Variants in LRP1B observed in about 807,000 individuals in gnomAD.
LRP1B encodes the protein low-density lipoprotein receptor-related protein 1B.
A neutral mutation model predicts 556.6 loss-of-function variants in LRP1B; 217 were observed. That is an observed-to-expected ratio of 0.39 (90% CI 0.35 to 0.44). The LOEUF (loss-of-function observed/expected upper bound fraction) is 0.44, where lower values mean the gene tolerates loss of function less well. LRP1B is among the 20% of genes least tolerant of loss of function. The pLI is 1.00. For missense variants in LRP1B, 5,053 were observed against 5,620.8 expected, an observed-to-expected ratio of 0.90 and a Z score of 3.23; for synonymous variants, 2,047 against 1,865.8, an observed-to-expected ratio of 1.10 and a Z score of -2.50.
At chr2:141,577,113 A>T (rs1384534307) in intron 2 of LRP1B, among the ~76,000 whole-genome samples, 1 of 152,200 alleles carries the variant, frequency 6.6e-6, no homozygotes, top group Admixed American at 6.5e-5. Context: ...ATCATTGGTG[A>T]CTATTGAAAG....
chr2:140,382,717 G>C (rs761370716), intron 67 of LRP1B, among the ~76,000 whole-genome samples: 8 of 152,184 alleles, frequency 5.3e-5, no homozygotes, highest in Non-Finnish European at 1.0e-4. Flanking sequence ...TCTATCACTG[G>C]ACTATCTCCA....
intron 1 of LRP1B, among the ~76,000 whole-genome samples, chr2:142,057,239 T>C (rs546105269): frequency 6.6e-6 from 1 of 152,244 alleles, no homozygotes; most frequent in East Asian, 1.9e-4. Context: ...TATCTCTAGG[T>C]ATGATATAGA....
intron 18 of LRP1B, among the ~76,000 whole-genome samples, chr2:140,952,683 A>G (rs1695754292): frequency 6.6e-6 from 1 of 152,192 alleles, no homozygotes; most frequent in South Asian, 2.1e-4. Context: ...TAATTAGCCA[A>G]TTTGAATATC....
intron 3 of LRP1B, among the ~76,000 whole-genome samples, chr2:141,390,627 T>C (rs960099678): frequency 6.6e-6 from 1 of 151,428 alleles, no homozygotes; most frequent in Non-Finnish European, 1.5e-5. Flanking sequence ...TGATACATTC[T>C]ACAACATGGA....
intron 2 of LRP1B, among the ~76,000 whole-genome samples, chr2:141,526,971 A>G (rs774729459): frequency 1.3e-5 from 2 of 152,088 alleles, no homozygotes; most frequent in African/African-American, 2.4e-5. Flanking sequence ...AGCATTTCAG[A>G]TTCTGCAGTA....
At chr2:141,762,224 A>G (rs571582419) in intron 2 of LRP1B, among the ~76,000 whole-genome samples, 73 of 152,166 alleles carry the variant, frequency 4.8e-4, no homozygotes, top group Admixed American at 9.2e-4. Flanking sequence ...ATTCCAATAA[A>G]TTGGCCACTG....
intron 3 of LRP1B, among the ~76,000 whole-genome samples, chr2:141,342,712 A>T (rs2683843): frequency 0.6 from 91,610 of 151,864 alleles, 28,510 homozygotes; most frequent in African/African-American, 0.69. Flanking sequence ...TTCAAGAAAT[A>T]TGGGACTATG....
At chr2:140,702,944 T>G in intron 37 of LRP1B, among the ~76,000 whole-genome samples, 1 of 152,236 alleles carries the variant, frequency 6.6e-6, no homozygotes, top group South Asian at 2.1e-4. Context: ...AATGGCAAAT[T>G]TCCACTTGTA....
chr2:141,846,842 G>GA (rs1240868059), intron 1 of LRP1B, among the ~76,000 whole-genome samples: 1 of 151,234 alleles, frequency 6.6e-6, no homozygotes, highest in Non-Finnish European at 1.5e-5. Context: ...TTTCTTACTA[G>GA]AAAAATGTTT....
chr2:141,757,889 A>ATCAGTCAATTT (rs1553460028), intron 2 of LRP1B, among the ~76,000 whole-genome samples: 1 of 151,498 alleles, frequency 6.6e-6, no homozygotes, highest in African/African-American at 2.4e-5. Flanking sequence ...CCCATAGCTT[A>ATCAGTCAATTT]TTAATTCAGC....
intron 1 of LRP1B, among the ~76,000 whole-genome samples, chr2:142,088,847 T>C (rs1280915723): frequency 2.0e-5 from 3 of 151,516 alleles, no homozygotes; most frequent in Admixed American, 1.3e-4. Context: ...TGGTGGTGGG[T>C]GCCTGTAGTC....
chr2:141,817,770 A>G (rs1187137028), intron 1 of LRP1B, among the ~76,000 whole-genome samples: 13 of 152,126 alleles, frequency 8.5e-5, no homozygotes, highest in Non-Finnish European at 1.5e-5. Context: ...CACTTGTTAT[A>G]CTAATGTTGT....
At chr2:141,597,440 C>T (rs554498302) in intron 2 of LRP1B, among the ~76,000 whole-genome samples, 3 of 152,140 alleles carry the variant, frequency 2.0e-5, no homozygotes, top group South Asian at 2.1e-4. Flanking sequence ...AACCCCTTCT[C>T]GCTAATAACA....
chr2:140,394,124 A>ATTTT (rs34965660), intron 66 of LRP1B, among the ~76,000 whole-genome samples: 9 of 122,482 alleles, frequency 7.3e-5, no homozygotes, highest in East Asian at 2.4e-4. Flanking sequence ...ACTGGCACAT[A>ATTTT]TTTTTTTTTT....
At chr2:141,429,879 C>G (rs939409845) in intron 3 of LRP1B, among the ~76,000 whole-genome samples, 1 of 152,086 alleles carries the variant, frequency 6.6e-6, no homozygotes, top group African/African-American at 2.4e-5. Flanking sequence ...GAGAAAGAAG[C>G]CTATTGACAA....
chr2:140,963,160 A>G (rs188884313), intron 18 of LRP1B, among the ~76,000 whole-genome samples: 11 of 152,320 alleles, frequency 7.2e-5, no homozygotes, highest in African/African-American at 2.2e-4. Flanking sequence ...TTCCTGGATC[A>G]ATATAGGACT....
intron 1 of LRP1B, among the ~76,000 whole-genome samples, chr2:141,915,380 C>T (rs1394701524): frequency 6.6e-6 from 1 of 152,070 alleles, no homozygotes; most frequent in East Asian, 1.9e-4. Context: ...ACAAATGTGT[C>T]ATACAAAAAT....
At chr2:141,953,783 C>CCATT (rs967455932) in intron 1 of LRP1B, among the ~76,000 whole-genome samples, 9 of 152,024 alleles carry the variant, frequency 5.9e-5, no homozygotes, top group African/African-American at 1.9e-4. Flanking sequence ...CTTATATATG[C>CCATT]CATTCATTCA....
intron 7 of LRP1B, among the ~76,000 whole-genome samples, chr2:141,149,072 C>A (rs1466569681): frequency 6.6e-6 from 1 of 150,804 alleles, no homozygotes; most frequent in Non-Finnish European, 1.5e-5. Flanking sequence ...TGCAGTGGTG[C>A]GATCTCTCAA....
Sources: allele counts gnomAD v4.1 joint callset (sites outside exome capture counted in the v4.1 genomes callset), GRCh38; gene constraint gnomAD v4.1.1; transcripts MANE v1.5; gene names NCBI Gene and HGNC (gene_info 2026-07-23, HGNC 2026-07-21).